The following HS6ST3 variants were observed in gnomAD, a reference collection of about 807,000 sequenced individuals.
HS6ST3 encodes the protein heparan sulfate 6-O-sulfotransferase 3.
Under a neutral mutation model 36.7 loss-of-function variants are expected in HS6ST3, and 12 were observed. The observed-to-expected ratio is 0.33, with a 90% CI of 0.21 to 0.53. HS6ST3 has a LOEUF of 0.53. HS6ST3 is among the 20% of genes least tolerant of loss of function. The pLI is 0.95. For missense variants in HS6ST3, 584 were observed against 640.9 expected (o/e 0.91, Z 0.96); for synonymous variants, 240 against 257.5 (o/e 0.93, Z 0.65).
chr13:96,752,899 T>G (rs1049466262), intron 1 of HS6ST3, among the ~76,000 whole-genome samples: 11 of 152,244 alleles, frequency 7.2e-5, no homozygotes, highest in Non-Finnish European at 1.5e-4. Flanking sequence ...TTTAAAAGCT[T>G]TAAAATTGCC....
intron 1 of HS6ST3, among the ~76,000 whole-genome samples, chr13:96,384,025 C>T (rs1005233832): frequency 1.3e-5 from 2 of 152,210 alleles, no homozygotes; most frequent in Admixed American, 6.5e-5. Flanking sequence ...CTCCCAGGGG[C>T]GCTTGGAGCA....
intron 1 of HS6ST3, among the ~76,000 whole-genome samples, chr13:96,784,910 G>C (rs1877609080): frequency 6.6e-6 from 1 of 152,212 alleles, no homozygotes; most frequent in African/African-American, 2.4e-5. Context: ...GCTCACTCCT[G>C]CGATCCCAGC....
intron 1 of HS6ST3, among the ~76,000 whole-genome samples, chr13:96,405,139 A>G (rs563002953): frequency 2.0e-5 from 3 of 152,328 alleles, no homozygotes; most frequent in African/African-American, 7.2e-5. Flanking sequence ...GTATGTGTTT[A>G]TCAGCAGCAT....
chr13:96,778,572 A>ATGC (rs1877451565), intron 1 of HS6ST3, among the ~76,000 whole-genome samples: 1 of 152,160 alleles, frequency 6.6e-6, no homozygotes, highest in Non-Finnish European at 1.5e-5. Context: ...TTGAAAAAAA[A>ATGC]TCATCATCAC....
rs534890869 is a variant in HS6ST3 at position 96,751,799 on chromosome 13, T to A, written c.708-80691T>A. Among the ~76,000 whole-genome samples the A allele has an allele frequency of 2.4e-4, 37 of 151,646 alleles. 1 individual carries two copies. The South Asian group carries it at 7.3e-3, about 30-fold the overall frequency. On this transcript the variant is annotated intron_variant, in intron 1 of 1. Transcript: ENST00000376705. ...GTACATATACATATATACATATGTG[T>A]GTATGTGTATATATATATACACATA... is the stretch of plus-strand genomic sequence containing the variant.
At chr13:96,623,276 C>T (rs1451454386) in intron 1 of HS6ST3, among the ~76,000 whole-genome samples, 7 of 152,192 alleles carry the variant, frequency 4.6e-5, no homozygotes, top group East Asian at 3.9e-4. Flanking sequence ...TATATATTCT[C>T]GAGGAAACGT....
intron 1 of HS6ST3, among the ~76,000 whole-genome samples, chr13:96,394,677 C>G (rs1417763804): frequency 6.6e-6 from 1 of 152,148 alleles, no homozygotes; most frequent in Non-Finnish European, 1.5e-5. Flanking sequence ...TAACAATAAT[C>G]TTTGCAATAA....
intron 1 of HS6ST3, among the ~76,000 whole-genome samples, chr13:96,249,585 C>A (rs1389802804): frequency 2.0e-5 from 3 of 152,142 alleles, no homozygotes; most frequent in South Asian, 2.1e-4. Context: ...TATTTACATT[C>A]TTTGCAGTAT....
intron 1 of HS6ST3, among the ~76,000 whole-genome samples, chr13:96,723,966 C>A (rs1450431029): frequency 6.6e-6 from 1 of 152,092 alleles, no homozygotes; most frequent in African/African-American, 2.4e-5. Context: ...TTCATCCTAT[C>A]TTTTCTTTCT....
At chr13:96,820,908 T>A (rs558518981) in intron 1 of HS6ST3, among the ~76,000 whole-genome samples, 2 of 152,378 alleles carry the variant, frequency 1.3e-5, no homozygotes, top group African/African-American at 4.8e-5. Context: ...AGATCTGTTT[T>A]AAGGCTGAAA....
At chr13:96,649,434 G>A (rs1300483390) in intron 1 of HS6ST3, among the ~76,000 whole-genome samples, 1 of 151,990 alleles carries the variant, frequency 6.6e-6, no homozygotes, top group Non-Finnish European at 1.5e-5. Context: ...GGGTTTATGG[G>A]AACTACAATT....
intron 1 of HS6ST3, among the ~76,000 whole-genome samples, chr13:96,647,688 G>T (rs2056593634): frequency 6.6e-6 from 1 of 151,990 alleles, no homozygotes; most frequent in South Asian, 2.1e-4. Flanking sequence ...TTACAAAGTT[G>T]AAACTGACAT....
intron 1 of HS6ST3, among the ~76,000 whole-genome samples, chr13:96,149,840 A>G (rs1439911805): frequency 1.3e-5 from 2 of 152,204 alleles, no homozygotes; most frequent in African/African-American, 4.8e-5. Context: ...GGAATTTAAT[A>G]TATGTATTTT....
intron 1 of HS6ST3, among the ~76,000 whole-genome samples, chr13:96,685,320 T>C (rs1874745261): frequency 6.6e-6 from 1 of 152,114 alleles, no homozygotes; most frequent in African/African-American, 2.4e-5. Flanking sequence ...TCTTGTCATA[T>C]AAAATACAGA....
chr13:96,319,980 A>G (rs1433986328), intron 1 of HS6ST3, among the ~76,000 whole-genome samples: 5 of 152,116 alleles, frequency 3.3e-5, no homozygotes, highest in Non-Finnish European at 7.4e-5. Flanking sequence ...GCTTCTGATT[A>G]GTTTGTTCGT....
intron 1 of HS6ST3, among the ~76,000 whole-genome samples, chr13:96,304,712 T>TTTCTTTC (rs1491569207): frequency 4.2e-4 from 29 of 68,410 alleles, no homozygotes; most frequent in African/African-American, 9.5e-4. Flanking sequence ...TCTTTCTTTC[T>TTTCTTTC]TTTTTTTTTT....
chr13:96,655,156 C>G (rs1000742780), intron 1 of HS6ST3, among the ~76,000 whole-genome samples: 2 of 152,082 alleles, frequency 1.3e-5, no homozygotes, highest in African/African-American at 4.8e-5. Flanking sequence ...CAAGGGAGAG[C>G]AAAATGAGCA....
chr13:96,316,157 T>C (rs1377636858), intron 1 of HS6ST3, among the ~76,000 whole-genome samples: 1 of 152,172 alleles, frequency 6.6e-6, no homozygotes, highest in Non-Finnish European at 1.5e-5. Context: ...TATTTATATA[T>C]ATGCATATGC....
intron 1 of HS6ST3, among the ~76,000 whole-genome samples, chr13:96,093,900 A>G (rs1406715512): frequency 1.3e-5 from 2 of 152,196 alleles, no homozygotes; most frequent in Non-Finnish European, 2.9e-5. Context: ...AAAATGGCAG[A>G]TAATCTATTG....
Sources: allele counts gnomAD v4.1 joint callset (sites outside exome capture counted in the v4.1 genomes callset), GRCh38; gene constraint gnomAD v4.1.1; transcripts MANE v1.5; gene names NCBI Gene and HGNC (gene_info 2026-07-23, HGNC 2026-07-21).